Variants in GNB1L observed in about 807,000 individuals in gnomAD.
GNB1L encodes the protein G protein subunit beta 1 like, also known as guanine nucleotide-binding protein subunit beta-like protein 1.
Under a neutral mutation model 29.1 loss-of-function variants are expected in GNB1L, and 20 were observed. That is an observed-to-expected ratio of 0.69 (90% CI 0.48 to 1.00). GNB1L has a LOEUF of 1.00. GNB1L is among the 50% of genes least tolerant of loss of function. The probability of loss-of-function intolerance (pLI) is 0.00; values close to 1 mark genes in which losing one functional copy is unlikely to be tolerated. For missense variants in GNB1L, 421 were observed against 464.9 expected, an observed-to-expected ratio of 0.91 and a Z score of 0.87; for synonymous variants, 193 against 206.5, an observed-to-expected ratio of 0.93 and a Z score of 0.56.
chr22:19,806,884 A>T (rs1937443067), intron 5 of GNB1L, 127 bp from the exon 6 acceptor site: 3 of 743,780 alleles, frequency 4.0e-6, no homozygotes, highest in Non-Finnish European at 7.1e-6. Flanking sequence ...CCCCGTGGGC[A>T]CCTGGGAGCC....
chr22:19,803,313 C>A (rs1383168256), intron 6 of GNB1L, among the ~76,000 whole-genome samples: 1 of 152,200 alleles, frequency 6.6e-6, no homozygotes, highest in African/African-American at 2.4e-5. Context: ...TTCACACAGA[C>A]AAAACTGAGA....
At chr22:19,851,351 G>C (rs763737723) in intron 2 of GNB1L, 6 of 1,614,148 alleles carry the variant, frequency 3.7e-6, no homozygotes, top group Non-Finnish European at 5.1e-6. Context: ...AGCTGACTCC[G>C]ACAGTCTAGG....
rs1326687637 is a variant in GNB1L, at chr22:19,848,063, T to A, written c.-21+6380A>T. 4 of 985,278 alleles carry A rather than the reference T, an allele frequency of 4.1e-6. No homozygotes were observed. The Admixed American group carries it at 1.8e-4, about 45-fold the overall frequency. The allele number at this position is 985,278 out of a possible 1,614,324, so 61.0% of individuals were successfully genotyped here. On this transcript the variant is annotated intron_variant, in intron 2 of 7. Coordinates refer to ENST00000329517, the MANE Select transcript of GNB1L (RefSeq NM_053004.3). ...TCTATTCTCTGCTCATCTGTCCACA[T>A]CTAAGTGCTTTAACTATTGTGGCTT...
intron 2 of GNB1L, among the ~76,000 whole-genome samples, chr22:19,841,840 C>T (rs1441798356): frequency 6.6e-6 from 1 of 152,180 alleles, no homozygotes; most frequent in African/African-American, 2.4e-5. Context: ...CAGCTGGGGA[C>T]AGAAAGAGCA....
chr22:19,846,787 C>G (rs576724385), intron 2 of GNB1L: 1 of 448,908 alleles, frequency 2.2e-6, no homozygotes, highest in South Asian at 9.4e-5. Context: ...GGCCAAGGAG[C>G]GAGGCCTCAG....
intron 2 of GNB1L, among the ~76,000 whole-genome samples, chr22:19,844,239 T>A (rs923250499): frequency 6.6e-6 from 1 of 152,176 alleles, no homozygotes; most frequent in African/African-American, 2.4e-5. Flanking sequence ...AATGGCGTGA[T>A]TCGTTCCCGA....
chr22:19,844,321 T>C (rs1937916344), intron 2 of GNB1L, among the ~76,000 whole-genome samples: 1 of 152,212 alleles, frequency 6.6e-6, no homozygotes, highest in Non-Finnish European at 1.5e-5. Flanking sequence ...CAGTCCCTGC[T>C]GGGTGCTCTG....
intron 2 of GNB1L, chr22:19,851,279 T>A: frequency 6.2e-7 from 1 of 1,613,102 alleles, no homozygotes; most frequent in Non-Finnish European, 8.5e-7. Flanking sequence ...AACCTCCTCC[T>A]CTGTTTTCTG....
chr22:19,839,996 T>C (rs1937831193), intron 2 of GNB1L, among the ~76,000 whole-genome samples: 4 of 151,536 alleles, frequency 2.6e-5, no homozygotes, highest in Non-Finnish European at 5.9e-5. Context: ...CCGTGGAGTT[T>C]GAGACTGCAG....
At chr22:19,792,577 T>G (rs1467367828) in intron 7 of GNB1L, 1 of 1,595,012 alleles carries the variant, frequency 6.3e-7, no homozygotes, top group African/African-American at 1.3e-5. Context: ...GCTACTCAGC[T>G]GCTTAAGCTG....
rs182017875 is a variant in GNB1L, at chr22:19,801,541, G to A, written c.732+460C>T. ...TCTTCAGCAACCGCCAGGTGGCCCT[G>A]AGGCTTCCCAGCCTTCCTGCTGGGC... On this transcript the variant is annotated intron_variant, in intron 7 of 7. Transcript: ENST00000329517. Among the ~76,000 whole-genome samples the A allele has an allele frequency of 6.6e-5, 10 of 152,318 alleles. No individual in the cohort carries two copies. In the East Asian group the frequency reaches 1.9e-3, roughly 29 times the overall value.
intron 2 of GNB1L, among the ~76,000 whole-genome samples, chr22:19,824,133 T>C (rs965609239): frequency 6.6e-6 from 1 of 152,244 alleles, no homozygotes; most frequent in Non-Finnish European, 1.5e-5. Context: ...CAGGCCAAAA[T>C]GATGCATCGG....
chr22:19,847,425 G>A (rs1937986225), intron 2 of GNB1L: 1 of 985,280 alleles, frequency 1.0e-6, no homozygotes, highest in East Asian at 1.1e-4. Context: ...CATGAGGTGG[G>A]TGTTAGAGGG....
chr22:19,846,863 GTTGTTT>G, intron 2 of GNB1L: 12 of 918,880 alleles, frequency 1.3e-5, no homozygotes, highest in Non-Finnish European at 1.4e-5. Flanking sequence ...GGAAATGTCT[GTTGTTT>G]AAGTCCCCTA....
chr22:19,825,310 T>C (rs1006108540), intron 2 of GNB1L, among the ~76,000 whole-genome samples: 2 of 152,108 alleles, frequency 1.3e-5, no homozygotes, highest in Non-Finnish European at 2.9e-5. Flanking sequence ...AAAAAACAAC[T>C]AAAGATGTTG....
intron 5 of GNB1L, among the ~76,000 whole-genome samples, chr22:19,810,379 G>C (rs1601329836): frequency 6.6e-6 from 1 of 151,870 alleles, no homozygotes; most frequent in East Asian, 1.9e-4. Flanking sequence ...AGGGGCAAAA[G>C]ATGGGGGGAG....
intron 5 of GNB1L, among the ~76,000 whole-genome samples, chr22:19,807,092 T>C (rs138204965): frequency 3.3e-5 from 5 of 152,008 alleles, no homozygotes; most frequent in Non-Finnish European, 4.4e-5. Flanking sequence ...GTGAGTGATC[T>C]CAGGCATAGC....
chr22:19,848,760 G>C, intron 2 of GNB1L: 1 of 985,506 alleles, frequency 1.0e-6, no homozygotes, highest in Non-Finnish European at 1.2e-6. Flanking sequence ...TGGGTCCCAA[G>C]GGCACAAAAG....
At chr22:19,832,584 G>A (rs1392458866) in intron 2 of GNB1L, among the ~76,000 whole-genome samples, 2 of 152,112 alleles carry the variant, frequency 1.3e-5, no homozygotes, top group East Asian at 1.9e-4. Flanking sequence ...GGTGCGCTAC[G>A]GCCCCAAGAA....
Sources: allele counts gnomAD v4.1 joint callset (sites outside exome capture counted in the v4.1 genomes callset), GRCh38; gene constraint gnomAD v4.1.1; transcripts MANE v1.5; gene names NCBI Gene and HGNC (gene_info 2026-07-23, HGNC 2026-07-21).